Variants in CFAP54 observed in about 807,000 individuals in gnomAD.
CFAP54 encodes the protein cilia- and flagella-associated protein 54.
In CFAP54, 290 loss-of-function variants were observed where a neutral mutation model predicts 370.4. That is an observed-to-expected ratio of 0.78 (90% CI 0.71 to 0.86). The LOEUF (loss-of-function observed/expected upper bound fraction) is 0.86, where lower values mean the gene tolerates loss of function less well. Ranked by LOEUF, CFAP54 falls within the 40% of genes least tolerant of loss-of-function variation. CFAP54 has a pLI of 0.00. For synonymous variants in CFAP54, 1,206 were observed against 1,236.5 expected (o/e 0.98, Z 0.52); for missense variants, 3,399 against 3,528.7 (o/e 0.96, Z 0.93).
chr12:96,802,238 C>T (rs1010513227), intron 63 of CFAP54, among the ~76,000 whole-genome samples: 5 of 152,138 alleles, frequency 3.3e-5, no homozygotes, highest in East Asian at 1.9e-4. Flanking sequence ...AAGCAGACTG[C>T]ATACCTCACA....
At chr12:96,812,445 T>C (rs1206920139) in intron 64 of CFAP54, among the ~76,000 whole-genome samples, 1 of 152,154 alleles carries the variant, frequency 6.6e-6, no homozygotes, top group Non-Finnish European at 1.5e-5. Context: ...CTTTACCAAT[T>C]TCCCTGTTGT....
intron 51 of CFAP54, 139 bp downstream of exon 51, chr12:96,740,200 T>C: frequency 1.7e-6 from 1 of 583,826 alleles, no homozygotes. Context: ...AAGATTTAGG[T>C]CCTATTAATG....
intron 32 of CFAP54, among the ~76,000 whole-genome samples, chr12:96,636,888 A>G (rs1956669294): frequency 6.6e-6 from 1 of 151,634 alleles, no homozygotes; most frequent in Non-Finnish European, 1.5e-5. Flanking sequence ...AACAAAAAAC[A>G]GCTTTATTGA....
At chr12:96,577,416 A>G (rs969628305) in intron 20 of CFAP54, among the ~76,000 whole-genome samples, 1 of 152,162 alleles carries the variant, frequency 6.6e-6, no homozygotes, top group African/African-American at 2.4e-5. Flanking sequence ...TACAAACTAC[A>G]CTTTCCTCTT....
intron 17 of CFAP54, among the ~76,000 whole-genome samples, chr12:96,561,902 T>C (rs1955820635): frequency 6.6e-6 from 1 of 151,568 alleles, no homozygotes; most frequent in African/African-American, 2.4e-5. Flanking sequence ...TCTCCTGTCT[T>C]AGTTTCCCAA....
chr12:96,555,049 A>C lies in CFAP54; in HGVS notation c.2410+247A>C, dbSNP rs187527035. On this transcript the variant is annotated intron_variant, in intron 17 of 67. Transcript: ENST00000524981. ...TAATTATGTTTATTTGTGTTATAGT[A>C]AATTATTTTTTGTTAATTCAACCAA... 8.9e-4 allele frequency: 247 copies of C among 278,556 alleles called. 4 individuals carry two copies. Among genetic ancestry groups the C allele is most frequent in the Middle Eastern group, 3.3e-3 (3 of 922 alleles). 17.3% of individuals were successfully genotyped at this position (278,556 alleles called of 1,614,324 possible). A position where few individuals can be genotyped will look rare whatever the true frequency, so the allele number is the denominator to read the frequency against.
rs1191656262 is a variant in CFAP54, at chr12:96,594,408, A to G, written c.3478A>G (p.Ile1160Val). The G allele has an allele frequency of 7.8e-6, 12 of 1,533,978 alleles. No individual in the cohort carries two copies. The African/African-American group carries it at 1.5e-4, about 19-fold the overall frequency. Residue 1160 changes from isoleucine (I) to valine (V), a missense_variant, in exon 25 of 68, where the codon ATA becomes GTA. Ile to Val is a conservative substitution (Grantham distance 29). This residue lies in a region of CFAP54 where 2,796 missense variants were observed against 2,869.7 expected (regional missense o/e 0.97). Transcript: ENST00000524981. ...TCAATGTTATGGACTTCTTGCTCCC[A>G]TAATTTATCACAATATTGTTTTGGT... Reference protein sequence around the residue: ...VTQCYGLLAPIIYHNIVLVPV... With the variant: ...VTQCYGLLAPVIYHNIVLVPV...
At chr12:96,846,756 G>C (rs1008073691) in intron 66 of CFAP54, among the ~76,000 whole-genome samples, 2 of 152,148 alleles carry the variant, frequency 1.3e-5, no homozygotes, top group East Asian at 3.9e-4. Flanking sequence ...AGGGCTGTGC[G>C]TGCAGACTGG....
intron 5 of CFAP54, among the ~76,000 whole-genome samples, chr12:96,515,972 G>T (rs1955228694): frequency 7.1e-6 from 1 of 141,584 alleles, no homozygotes; most frequent in African/African-American, 2.7e-5. Context: ...CTGGAGTGCA[G>T]TGGCGCGGTC....
intron 8 of CFAP54, among the ~76,000 whole-genome samples, chr12:96,525,835 C>T (rs1045766748): frequency 8.5e-5 from 13 of 152,130 alleles, no homozygotes; most frequent in East Asian, 1.9e-4. Context: ...GGACTACAGG[C>T]GCGCGCCACC....
intron 61 of CFAP54, among the ~76,000 whole-genome samples, chr12:96,785,929 A>G (rs1487739159): frequency 1.3e-5 from 2 of 152,166 alleles, no homozygotes; most frequent in African/African-American, 4.8e-5. Context: ...GAAGGTTCCC[A>G]GTGGGACTGA....
At chr12:96,841,185 C>T (rs1044241389) in intron 66 of CFAP54, among the ~76,000 whole-genome samples, 8 of 152,160 alleles carry the variant, frequency 5.3e-5, no homozygotes, top group East Asian at 3.8e-4. Context: ...TTACTGTGAA[C>T]GTGATGAGAA....
At chr12:96,845,805 T>C (rs1330715816) in intron 66 of CFAP54, among the ~76,000 whole-genome samples, 1 of 152,186 alleles carries the variant, frequency 6.6e-6, no homozygotes, top group African/African-American at 2.4e-5. Flanking sequence ...CCCTGACTGG[T>C]GATGAATACA....
rs916349738 is a variant in CFAP54, at chr12:96,576,842, C to A, written c.2796+81C>A. On this transcript the variant is annotated intron_variant, in intron 20 of 67. Transcript: ENST00000524981. The stretch of plus-strand genomic sequence containing the variant: ...ACTACCATGATTCATACTTTGATTG[C>A]TTTTAGGAACTGGATAGTCTTATTC... The A allele has an allele frequency of 3.5e-6, 4 of 1,140,736 alleles. No individual in the cohort carries two copies. The East Asian group carries it at 1.0e-4, about 29-fold the overall frequency. 70.7% of individuals were successfully genotyped at this position (1,140,736 alleles called of 1,614,324 possible).
intron 66 of CFAP54, among the ~76,000 whole-genome samples, chr12:96,860,402 C>CG (rs1959849309): frequency 6.6e-6 from 1 of 152,284 alleles, no homozygotes; most frequent in African/African-American, 2.4e-5. Flanking sequence ...CGTGATAACA[C>CG]GGTGCCTCTT....
At chr12:96,554,991 A>T in intron 17 of CFAP54, 189 bp downstream of exon 17, 1 of 439,232 alleles carries the variant, frequency 2.3e-6, no homozygotes, top group Non-Finnish European at 3.8e-6. Context: ...TACACTTTGC[A>T]TATTAAATCA....
chr12:96,527,708 A>AGCCTCCCAAGTAGC (rs1955398900), intron 9 of CFAP54, among the ~76,000 whole-genome samples: 1 of 152,038 alleles, frequency 6.6e-6, no homozygotes, highest in African/African-American at 2.4e-5. Flanking sequence ...AGCTGGGACT[A>AGCCTCCCAAGTAGC]CAGGTGCATG....
chr12:96,523,156 G>A (rs780703340), intron 8 of CFAP54, among the ~76,000 whole-genome samples: 1 of 152,144 alleles, frequency 6.6e-6, no homozygotes, highest in Non-Finnish European at 1.5e-5. Context: ...AATGAATCTG[G>A]GGGGAAGGAG....
intron 60 of CFAP54, among the ~76,000 whole-genome samples, chr12:96,770,598 T>C (rs1170290075): frequency 6.6e-6 from 1 of 152,232 alleles, no homozygotes; most frequent in Non-Finnish European, 1.5e-5. Context: ...GATTGTTTGC[T>C]ACCCTTAGCA....
Sources: allele counts gnomAD v4.1 joint callset (sites outside exome capture counted in the v4.1 genomes callset), GRCh38; gene constraint gnomAD v4.1.1; regional missense constraint gnomAD v4.1.1; transcripts MANE v1.5; gene names NCBI Gene and HGNC (gene_info 2026-07-23, HGNC 2026-07-21).